The following RAD54B variants were observed in gnomAD, a reference collection of about 807,000 sequenced individuals.
RAD54B encodes DNA repair and recombination protein RAD54B.
A neutral mutation model predicts 95.8 loss-of-function variants in RAD54B; 78 were observed. The observed-to-expected ratio is 0.81, with a 90% CI of 0.68 to 0.98. The LOEUF (loss-of-function observed/expected upper bound fraction) is 0.98. Among genes scored for constraint, RAD54B ranks in the 50% least tolerant of loss-of-function variants. RAD54B has a pLI of 0.00. For missense variants in RAD54B, 957 were observed against 1,056.6 expected, an observed-to-expected ratio of 0.91 and a Z score of 1.31; for synonymous variants, 328 against 354.9, an observed-to-expected ratio of 0.92 and a Z score of 0.85.
intron 3 of RAD54B, among the ~76,000 whole-genome samples, chr8:94,442,010 A>C (rs1318828133): frequency 6.6e-6 from 1 of 152,268 alleles, no homozygotes; most frequent in East Asian, 1.9e-4. Flanking sequence ...GTCCATCAAC[A>C]GATGAATAAA....
chr8:94,433,993 T>C (rs892062008), intron 3 of RAD54B, among the ~76,000 whole-genome samples: 6 of 151,720 alleles, frequency 4.0e-5, no homozygotes, highest in African/African-American at 1.4e-4. Flanking sequence ...ACATATATAG[T>C]ATATAATAAA....
At chr8:94,385,334 C>T (rs1243180742) in intron 11 of RAD54B, among the ~76,000 whole-genome samples, 1 of 130,628 alleles carries the variant, frequency 7.7e-6, no homozygotes, top group Non-Finnish European at 1.6e-5. Context: ...CCACCTATCC[C>T]GCCCACCCTT....
chr8:94,442,576 G>GAAAA (rs531694623), intron 3 of RAD54B, among the ~76,000 whole-genome samples: 1 of 45,626 alleles, frequency 2.2e-5, no homozygotes, highest in Admixed American at 2.4e-4. Flanking sequence ...CTCTGTCTCA[G>GAAAA]AAAAAAAAAA....
At chr8:94,460,827 C>G (rs1812882836) in intron 2 of RAD54B, among the ~76,000 whole-genome samples, 1 of 151,926 alleles carries the variant, frequency 6.6e-6, no homozygotes, top group African/African-American at 2.4e-5. Flanking sequence ...TATTCAAAGT[C>G]AACTATGTTA....
chr8:94,431,559 T>A, intron 3 of RAD54B: 2 of 953,130 alleles, frequency 2.1e-6, no homozygotes, highest in Non-Finnish European at 2.5e-6. Flanking sequence ...TAAATAGCTT[T>A]GTTACCCTAA....
At chr8:94,419,863 T>C (rs374091330) in intron 3 of RAD54B, among the ~76,000 whole-genome samples, 1 of 152,118 alleles carries the variant, frequency 6.6e-6, no homozygotes, top group African/African-American at 2.4e-5. Context: ...TATACAGTCA[T>C]GTACCACACA....
intron 8 of RAD54B, among the ~76,000 whole-genome samples, chr8:94,395,464 A>G (rs1811121169): frequency 6.6e-6 from 1 of 152,206 alleles, no homozygotes; most frequent in African/African-American, 2.4e-5. Context: ...GCTTACCCCT[A>G]AATCAGTCAG....
At position 94,371,997 on chromosome 8, in the gene RAD54B, C is replaced by T. The variant is rs1810451100; in HGVS notation, c.*173G>A. On this transcript the variant is annotated 3_prime_UTR_variant, in exon 15 of 15. Transcript: ENST00000336148. ...AGCACATCTTTATTTTTCATTTAAA[C>T]ACTTAATATTTACAAAACATTAAAC... is the stretch of plus-strand genomic sequence containing the variant. 9.1e-7 allele frequency: 1 copy of T among 1,100,420 alleles called. No individual in the cohort carries two copies. Among genetic ancestry groups the T allele is most frequent in the Admixed American group, 3.7e-5 (1 of 27,210 alleles). 68.2% of individuals were successfully genotyped at this position (1,100,420 alleles called of 1,614,324 possible).
chr8:94,422,514 G>T (rs1213795304), intron 3 of RAD54B, among the ~76,000 whole-genome samples: 3 of 145,506 alleles, frequency 2.1e-5, no homozygotes, highest in African/African-American at 7.7e-5. Flanking sequence ...TTGAATCCGG[G>T]AGGCGGAGGT....
At chr8:94,416,090 A>G (rs1467641821) in intron 3 of RAD54B, among the ~76,000 whole-genome samples, 2 of 150,992 alleles carry the variant, frequency 1.3e-5, no homozygotes, top group East Asian at 3.9e-4. Flanking sequence ...GGCACTATTC[A>G]CAATAGCAAA....
intron 3 of RAD54B, among the ~76,000 whole-genome samples, chr8:94,424,879 C>T (rs113372646): frequency 0.033 from 5,039 of 151,792 alleles, 104 homozygotes; most frequent in Non-Finnish European, 0.049. Context: ...CTGGACAATA[C>T]GGCAAAACTC....
In RAD54B at chr8:94,400,272, C is replaced by T. The variant is rs1453083831; in HGVS notation, c.1136G>A (p.Gly379Glu). 6 of 1,613,568 alleles carry T rather than the reference C, an allele frequency of 3.7e-6. No homozygotes were observed. The East Asian group carries it at 1.1e-4, about 30-fold the overall frequency. The change falls in exon 7 of 15, where the codon GGA (glycine) becomes GAA (glutamate). Residue 379 changes from glycine to glutamate, a missense_variant. Physicochemically the swap from Gly to Glu is moderately conservative, Grantham distance 98 (BLOSUM62 -2). Coordinates refer to ENST00000336148, the MANE Select transcript of RAD54B (RefSeq NM_012415.3). ...NWKKEFQKWLGSERIKIFTVD... is the reference protein window; with the variant it reads ...NWKKEFQKWLESERIKIFTVD... ...AGTAAATATCTTGATCCTTTCACTT[C>T]CTAGCCATTTTTGAAATTCTTTCTT...
At chr8:94,414,100 T>A (rs1276474900) in intron 3 of RAD54B, among the ~76,000 whole-genome samples, 1 of 152,140 alleles carries the variant, frequency 6.6e-6, no homozygotes, top group Non-Finnish European at 1.5e-5. Flanking sequence ...CCTCCCAAAG[T>A]GCTAGGATTA....
At chr8:94,396,895 T>G (rs895806410) in intron 8 of RAD54B, among the ~76,000 whole-genome samples, 6 of 152,086 alleles carry the variant, frequency 3.9e-5, no homozygotes, top group African/African-American at 7.2e-5. Flanking sequence ...ACGAATACAT[T>G]TGCAGAGAGG....
In RAD54B at chr8:94,458,371, C is replaced by A; in HGVS notation, c.201G>T (p.Leu67=). 7 of 1,607,094 alleles carry A rather than the reference C, an allele frequency of 4.4e-6. No homozygotes were observed. Among genetic ancestry groups the A allele is most frequent in the Non-Finnish European group, 5.9e-6 (7 of 1,177,146 alleles). Residue 67 remains leucine, a synonymous_variant, in exon 3 of 15, where the codon CTG becomes CTT. Transcript: ENST00000336148. ...TTTCTCTAGTACTTTCTTCACTAGGCAGATTTAAACTGCATATTCTAAGAT... is the reference window on the plus strand; with the variant it reads ...TTTCTCTAGTACTTTCTTCACTAGGAAGATTTAAACTGCATATTCTAAGAT... ...QNDLRICSLN[L]PSEESTREIN...
intron 1 of RAD54B, among the ~76,000 whole-genome samples, chr8:94,474,667 G>T (rs529631983): frequency 3.3e-5 from 5 of 152,006 alleles, no homozygotes; most frequent in Non-Finnish European, 7.4e-5. Context: ...CCCAGTGCAG[G>T]AGTGAGGGAG....
chr8:94,432,676 A>G, intron 3 of RAD54B: 11 of 1,462,804 alleles, frequency 7.5e-6, no homozygotes, highest in Non-Finnish European at 1.0e-5. Context: ...ACAAAAAAGC[A>G]TTATAATATG....
intron 2 of RAD54B, among the ~76,000 whole-genome samples, chr8:94,463,218 T>C (rs918846076): frequency 6.6e-6 from 1 of 150,668 alleles, no homozygotes; most frequent in East Asian, 1.9e-4. Flanking sequence ...TAAATATTGG[T>C]TGGACACAGT....
intron 2 of RAD54B, among the ~76,000 whole-genome samples, chr8:94,464,005 G>A (rs1189941537): frequency 6.6e-6 from 1 of 151,418 alleles, no homozygotes; most frequent in African/African-American, 2.4e-5. Flanking sequence ...TTGCTAAAAA[G>A]TGGAAACAAC....
Sources: allele counts gnomAD v4.1 joint callset (sites outside exome capture counted in the v4.1 genomes callset), GRCh38; gene constraint gnomAD v4.1.1; transcripts MANE v1.5; gene names NCBI Gene and HGNC (gene_info 2026-07-23, HGNC 2026-07-21).